The following SPOCK1 variants were observed in gnomAD, a reference collection of about 807,000 sequenced individuals.
SPOCK1 encodes SPARC (osteonectin), cwcv and kazal like domains proteoglycan 1.
A neutral mutation model predicts 55.3 loss-of-function variants in SPOCK1; 23 were observed. The observed-to-expected ratio is 0.42, with a 90% CI of 0.30 to 0.59. The LOEUF (loss-of-function observed/expected upper bound fraction) is 0.59. Among genes scored for constraint, SPOCK1 ranks in the 20% least tolerant of loss-of-function variants. The probability of loss-of-function intolerance (pLI) is 0.22; values close to 1 mark genes in which losing one functional copy is unlikely to be tolerated. For synonymous variants in SPOCK1, 226 were observed against 221.0 expected, an observed-to-expected ratio of 1.02 and a Z score of -0.20; for missense variants, 499 against 552.5, an observed-to-expected ratio of 0.90 and a Z score of 0.97.
At chr5:137,204,519 A>G (rs900869324) in intron 3 of SPOCK1, among the ~76,000 whole-genome samples, 1 of 151,888 alleles carries the variant, frequency 6.6e-6, no homozygotes, top group Non-Finnish European at 1.5e-5. Flanking sequence ...GCCAACCTTA[A>G]ATTCACCTCA....
chr5:137,348,102 T>C (rs2127159451), intron 2 of SPOCK1, among the ~76,000 whole-genome samples: 1 of 152,254 alleles, frequency 6.6e-6, no homozygotes, highest in East Asian at 1.9e-4. Context: ...CAGGGCCAAG[T>C]TTGTCTTGTT....
intron 2 of SPOCK1, among the ~76,000 whole-genome samples, chr5:137,322,137 C>T (rs1422398452): frequency 6.6e-6 from 1 of 151,942 alleles, no homozygotes; most frequent in East Asian, 1.9e-4. Flanking sequence ...TCGAGACCAG[C>T]CTGGGCAACA....
At position 137,417,894 on chromosome 5, in the gene SPOCK1, G is replaced by A. The variant is rs562590218; in HGVS notation, c.186+80479C>T. Among the ~76,000 whole-genome samples the A allele has an allele frequency of 1.8e-3, 274 of 152,188 alleles. 1 individual carries two copies. Among genetic ancestry groups the A allele is most frequent in the African/African-American group, 6.4e-3 (265 of 41,522 alleles). ...ATGTATACATGTGCCATATTGGTGT[G>A]CTGCACCCATTAACTTGTCATTTAA... On this transcript the variant is annotated intron_variant, in intron 2 of 10. Transcript: ENST00000394945.
rs1035677583 is a variant in SPOCK1 at position 137,045,089 on chromosome 5, T to G, written c.589+22626A>C. On this transcript the variant is annotated intron_variant, in intron 6 of 10. Coordinates refer to ENST00000394945, the MANE Select transcript of SPOCK1 (RefSeq NM_004598.4). ...TCCAAGTCTTTGCTATTGTGAATAA[T>G]GCCGCAATAAACATACGTGTGCATG... Among the ~76,000 whole-genome samples, 37 of 149,618 alleles carry G rather than the reference T, an allele frequency of 2.5e-4. No homozygotes were observed. The East Asian group carries it at 4.9e-3, about 20-fold the overall frequency.
intron 3 of SPOCK1, among the ~76,000 whole-genome samples, chr5:137,256,449 G>A (rs562919783): frequency 5.4e-4 from 82 of 152,288 alleles, no homozygotes; most frequent in African/African-American, 1.8e-3. Flanking sequence ...GGGCCTTCTT[G>A]TTGTCTCAGG....
At chr5:137,424,430 G>T (rs1415808468) in intron 2 of SPOCK1, among the ~76,000 whole-genome samples, 1 of 152,124 alleles carries the variant, frequency 6.6e-6, no homozygotes, top group East Asian at 1.9e-4. Flanking sequence ...GTCTATTTCT[G>T]AACACTCTAT....
At chr5:137,233,298 A>G (rs1434634) in intron 3 of SPOCK1, among the ~76,000 whole-genome samples, 25,806 of 152,166 alleles carry the variant, frequency 0.17, 2,473 homozygotes, top group South Asian at 0.26. Flanking sequence ...CCTGAATCTA[A>G]ATGGTTCCAT....
At chr5:137,023,958 G>GGAT (rs1468188985) in intron 6 of SPOCK1, among the ~76,000 whole-genome samples, 1 of 71,566 alleles carries the variant, frequency 1.4e-5, no homozygotes, top group Non-Finnish European at 3.8e-5. Context: ...TGTCAATATA[G>GGAT]TATTTTTTTT....
chr5:137,224,267 C>T (rs1182246379), intron 3 of SPOCK1, among the ~76,000 whole-genome samples: 2 of 152,204 alleles, frequency 1.3e-5, no homozygotes, highest in Non-Finnish European at 2.9e-5. Flanking sequence ...GAAATGCAGT[C>T]CATCACTGGA....
At chr5:137,024,469 G>A (rs1751633785) in intron 6 of SPOCK1, among the ~76,000 whole-genome samples, 1 of 152,082 alleles carries the variant, frequency 6.6e-6, no homozygotes, top group Non-Finnish European at 1.5e-5. Flanking sequence ...AATATTTAAA[G>A]TAATAATGCA....
At chr5:137,495,038 C>T (rs1170275782) in intron 2 of SPOCK1, among the ~76,000 whole-genome samples, 1 of 152,156 alleles carries the variant, frequency 6.6e-6, no homozygotes, top group Admixed American at 6.5e-5. Flanking sequence ...AAAGTCCAGG[C>T]CTCCATCTGG....
chr5:137,369,356 C>T (rs1165255556), intron 2 of SPOCK1, among the ~76,000 whole-genome samples: 1 of 152,164 alleles, frequency 6.6e-6, no homozygotes, highest in Non-Finnish European at 1.5e-5. Flanking sequence ...ATTCACTGTG[C>T]TGTTATCTAT....
intron 3 of SPOCK1, among the ~76,000 whole-genome samples, chr5:137,160,890 G>T (rs1288074400): frequency 2.1e-5 from 3 of 145,284 alleles, no homozygotes; most frequent in African/African-American, 7.5e-5. Context: ...CAGAGGAAAA[G>T]AAGTCATTAT....
At chr5:137,073,388 T>C (rs1224519164) in intron 5 of SPOCK1, among the ~76,000 whole-genome samples, 1 of 144,208 alleles carries the variant, frequency 6.9e-6, no homozygotes, top group Non-Finnish European at 1.5e-5. Flanking sequence ...CATGCAGCTC[T>C]CTGGGGAAGG....
intron 2 of SPOCK1, among the ~76,000 whole-genome samples, chr5:137,368,620 A>T (rs1473456482): frequency 6.6e-6 from 1 of 152,146 alleles, no homozygotes; most frequent in East Asian, 1.9e-4. Flanking sequence ...GATTGCTAGA[A>T]ACCTATCCTG....
chr5:137,009,964 A>G (rs934061396), intron 6 of SPOCK1, among the ~76,000 whole-genome samples: 1 of 152,164 alleles, frequency 6.6e-6, no homozygotes, highest in Non-Finnish European at 1.5e-5. Context: ...TCTCTCTCTC[A>G]GAATCCTCCT....
Position 136,978,288 on chromosome 5 carries a change from G to A in SPOCK1, c.*366C>T, listed in dbSNP as rs1750655710. The A allele has an allele frequency of 6.5e-6, 2 of 306,448 alleles. No individual in the cohort carries two copies. Among genetic ancestry groups the A allele is most frequent in the Non-Finnish European group, 1.2e-5 (2 of 168,502 alleles). 19.0% of individuals were successfully genotyped at this position (306,448 alleles called of 1,614,324 possible). ...ACCATGCTGTAATAACCACCAGTGT[G>A]GGTAATCAAAAAGGGTCTTTGACAT... On this transcript the variant is annotated 3_prime_UTR_variant, in exon 11 of 11. Coordinates refer to ENST00000394945, the MANE Select transcript of SPOCK1 (RefSeq NM_004598.4).
intron 2 of SPOCK1, among the ~76,000 whole-genome samples, chr5:137,310,560 G>A (rs1375394327): frequency 6.6e-6 from 1 of 152,208 alleles, no homozygotes; most frequent in African/African-American, 2.4e-5. Context: ...GCTGGCCTCT[G>A]TGGAACTTGC....
intron 6 of SPOCK1, 41 bp downstream of exon 6, chr5:137,067,674 C>G (rs766325018): frequency 1.3e-6 from 2 of 1,563,678 alleles, no homozygotes; most frequent in South Asian, 1.1e-5. Context: ...TGTGACCCCC[C>G]ATTCCTGCCC....
Sources: gnomAD v4.1 joint callset for allele counts (sites outside exome capture counted in the v4.1 genomes callset) on GRCh38, gnomAD v4.1.1 for gene constraint, MANE v1.5 for transcripts, NCBI Gene and HGNC (gene_info 2026-07-23, HGNC 2026-07-21) for gene names.